The following SGPL1 variants were observed in gnomAD, a reference collection of about 807,000 sequenced individuals.
SGPL1 encodes SP-lyase 1.
SGPL1 carries 37 observed loss-of-function variants against 68.9 expected under a neutral mutation model. The observed-to-expected ratio is 0.54, with a 90% CI of 0.41 to 0.71. The LOEUF (loss-of-function observed/expected upper bound fraction) is 0.71, where lower values mean the gene tolerates loss of function less well. Ranked by LOEUF, SGPL1 falls within the 30% of genes least tolerant of loss-of-function variation. SGPL1 has a pLI of 0.00. For missense variants in SGPL1, 551 were observed against 704.6 expected (o/e 0.78, Z 2.47); for synonymous variants, 236 against 248.5 (o/e 0.95, Z 0.47).
At chr10:70,823,421 A>G (rs1460218498) in intron 2 of SGPL1, among the ~76,000 whole-genome samples, 1 of 151,948 alleles carries the variant, frequency 6.6e-6, no homozygotes, top group East Asian at 1.9e-4. Context: ...ATAATTACAC[A>G]GTAATTATAA....
At chr10:70,826,211 TACAAC>T (rs892770485) in intron 2 of SGPL1, among the ~76,000 whole-genome samples, 1 of 149,944 alleles carries the variant, frequency 6.7e-6, no homozygotes, top group East Asian at 1.9e-4. Context: ...TACAATACAA[TACAAC>T]ACAACACAAC....
Position 70,816,835 on chromosome 10 carries a change from A to T in SGPL1, c.-19A>T, listed in dbSNP as rs1407842666. On this transcript the variant is annotated 5_prime_UTR_variant, in exon 2 of 15. Coordinates refer to ENST00000373202, the MANE Select transcript of SGPL1 (RefSeq NM_003901.4). ...GAGTCTGAAAAAGGGGAGCGCGGAG[A>T]GGAGGCTGGAAGAGGAAGATGCCTA... 4.3e-6 allele frequency: 7 copies of T among 1,613,570 alleles called. No homozygotes were observed. Among genetic ancestry groups the T allele is most frequent in the African/African-American group, 2.7e-5 (2 of 74,886 alleles).
chr10:70,874,496 G>A (rs1165407553), intron 12 of SGPL1, among the ~76,000 whole-genome samples: 1 of 152,172 alleles, frequency 6.6e-6, no homozygotes, highest in Non-Finnish European at 1.5e-5. Context: ...AGGCTGAGGC[G>A]GGTGGATCAC....
intron 8 of SGPL1, chr10:70,869,554 C>G (rs1247413628): frequency 2.5e-6 from 1 of 399,974 alleles, no homozygotes; most frequent in East Asian, 5.5e-5. Flanking sequence ...GGGATCACTT[C>G]TGAGTCCTCT....
At chr10:70,861,519 C>G in intron 7 of SGPL1, among the ~76,000 whole-genome samples, 1 of 152,214 alleles carries the variant, frequency 6.6e-6, no homozygotes, top group East Asian at 1.9e-4. Flanking sequence ...GGCGCCTCCT[C>G]TGCCTGGGCT....
intron 7 of SGPL1, among the ~76,000 whole-genome samples, chr10:70,861,454 TA>T (rs1475474012): frequency 6.6e-6 from 1 of 152,110 alleles, no homozygotes; most frequent in Non-Finnish European, 1.5e-5. Context: ...AGCCTGGTGA[TA>T]AGTAGTGAGA....
At chr10:70,873,961 G>T (rs1250664410) in intron 12 of SGPL1, among the ~76,000 whole-genome samples, 1 of 152,214 alleles carries the variant, frequency 6.6e-6, no homozygotes, top group African/African-American at 2.4e-5. Flanking sequence ...AACACAGGTA[G>T]CTGGGCCCAC....
At position 70,843,257 on chromosome 10, in the gene SGPL1, CTGTGTGTGTGTG is replaced by C. The variant is rs56785272; in HGVS notation, c.28-1207_28-1196del. Among the ~76,000 whole-genome samples, 34 of 150,114 alleles carry C rather than the reference CTGTGTGTGTGTG, an allele frequency of 2.3e-4. No homozygotes were observed. The East Asian group carries it at 5.7e-3, about 25-fold the overall frequency. On this transcript the variant is annotated intron_variant, in intron 2 of 14. Transcript: ENST00000373202. ...GTGATTTGTTTGTATATGTATGTGC[CTGTGTGTGTGTG>C]TGTGTGTGGACACACATCTACATCT...
chr10:70,870,034 TA>T, intron 9 of SGPL1, 137 bp downstream of exon 9: 1 of 603,922 alleles, frequency 1.7e-6, no homozygotes, highest in Non-Finnish European at 3.0e-6. Context: ...ACTGCATTGA[TA>T]GTGGTGATTG....
rs543085799 is a variant in SGPL1, at chr10:70,816,747, T to G, written c.-43-64T>G. Reference sequence around the variant, plus strand: ...ACCATAACTTGGCTGCTCTGGCGAATCTAGGCGGGCTGGCGAGACAGTTTA... The same window carrying G: ...ACCATAACTTGGCTGCTCTGGCGAAGCTAGGCGGGCTGGCGAGACAGTTTA... On this transcript the variant is annotated intron_variant, in intron 1 of 14. Transcript: ENST00000373202. 39 of 1,155,086 alleles carry G rather than the reference T, an allele frequency of 3.4e-5. No individual in the cohort carries two copies. In the Admixed American group the frequency reaches 4.7e-4, roughly 14 times the overall value. The allele number at this position is 1,155,086 out of a possible 1,614,324, so 71.6% of individuals were successfully genotyped here.
rs756811161 is a variant in SGPL1 at position 70,876,587 on chromosome 10, A to C, written c.1492A>C (p.Ile498Leu). ...ACTACACGCCCGGAAACGAGTAGCT[A>C]TACAATTCCTAAAGGACATTCGAGA... ...TLLHARKRVA[I>L]QFLKDIRESV... Residue 498 changes from isoleucine (I) to leucine (L), a missense_variant, in exon 14 of 15, where the codon ATA becomes CTA. Transcript: ENST00000373202. The C allele has an allele frequency of 6.2e-7, 1 of 1,612,744 alleles. No individual in the cohort carries two copies. The highest frequency in any genetic ancestry group is 1.3e-5 in the African/African-American group (1 of 74,900).
intron 2 of SGPL1, among the ~76,000 whole-genome samples, chr10:70,820,700 G>A (rs1192042019): frequency 1.3e-5 from 2 of 152,030 alleles, no homozygotes; most frequent in African/African-American, 2.4e-5. Flanking sequence ...GCTTGAACCC[G>A]GGAGGTGGAG....
intron 3 of SGPL1, among the ~76,000 whole-genome samples, chr10:70,845,876 A>G (rs1226447054): frequency 6.6e-6 from 1 of 151,962 alleles, no homozygotes. Context: ...TTTCCCCACC[A>G]CTTTGCTTCC....
chr10:70,864,985 C>T (rs944760643), intron 7 of SGPL1, among the ~76,000 whole-genome samples: 2 of 152,218 alleles, frequency 1.3e-5, no homozygotes, highest in Non-Finnish European at 2.9e-5. Context: ...CTCTAAAGAG[C>T]CAATCCTGAT....
At chr10:70,847,617 TG>T (rs1845812368) in intron 3 of SGPL1, among the ~76,000 whole-genome samples, 1 of 152,154 alleles carries the variant, frequency 6.6e-6, no homozygotes, top group African/African-American at 2.4e-5. Context: ...CCATACAAAA[TG>T]TAATTTTGTA....
intron 12 of SGPL1, among the ~76,000 whole-genome samples, chr10:70,874,598 C>T (rs1846353938): frequency 6.6e-6 from 1 of 152,158 alleles, no homozygotes; most frequent in Non-Finnish European, 1.5e-5. Context: ...TGGCGCATGC[C>T]TGTAATCCCA....
chr10:70,862,173 A>G (rs1371118927), intron 7 of SGPL1, among the ~76,000 whole-genome samples: 2 of 152,208 alleles, frequency 1.3e-5, no homozygotes, highest in African/African-American at 4.8e-5. Context: ...CAGGGATTGT[A>G]AATACACCAA....
At chr10:70,820,636 A>G (rs1202895165) in intron 2 of SGPL1, among the ~76,000 whole-genome samples, 3 of 151,988 alleles carry the variant, frequency 2.0e-5, no homozygotes, top group Non-Finnish European at 4.4e-5. Flanking sequence ...TTAGCTGGGC[A>G]TGGTGGCGTA....
intron 2 of SGPL1, among the ~76,000 whole-genome samples, chr10:70,819,502 A>G (rs948701426): frequency 3.9e-5 from 6 of 152,158 alleles, no homozygotes; most frequent in South Asian, 2.1e-4. Context: ...GCTACTTTAT[A>G]TGATATGTAA....
Sources: allele counts gnomAD v4.1 joint callset (sites outside exome capture counted in the v4.1 genomes callset), GRCh38; gene constraint gnomAD v4.1.1; transcripts MANE v1.5; gene names NCBI Gene and HGNC (gene_info 2026-07-23, HGNC 2026-07-21).